The following OR4N2 variants were observed in gnomAD, a reference collection of about 807,000 sequenced individuals.
OR4N2 encodes olfactory receptor 4N2.
For missense variants in OR4N2, 307 were observed against 377.6 expected (o/e 0.81, Z 1.55); for synonymous variants, 141 against 140.4 (o/e 1.00, Z -0.03).
chr14:19,821,714 A>AT (rs1879571199), intron 1 of OR4N2, among the ~76,000 whole-genome samples: 1 of 152,250 alleles, frequency 6.6e-6, no homozygotes, highest in Non-Finnish European at 1.5e-5. Flanking sequence ...ATTTAAAAAA[A>AT]TTTAGTTCTT....
intron 1 of OR4N2, among the ~76,000 whole-genome samples, chr14:19,807,055 CAG>C (rs1299710792): frequency 6.6e-6 from 1 of 151,554 alleles, no homozygotes; most frequent in Non-Finnish European, 1.5e-5. Flanking sequence ...GAAGCTAAAG[CAG>C]GAAATAAATA....
At chr14:19,813,566 C>T (rs1240663728) in intron 1 of OR4N2, among the ~76,000 whole-genome samples, 1 of 152,204 alleles carries the variant, frequency 6.6e-6, no homozygotes, top group Non-Finnish European at 1.5e-5. Context: ...GTAATTTTTA[C>T]CATATTAGCC....
At chr14:19,812,496 A>AT (rs1310480870) in intron 1 of OR4N2, among the ~76,000 whole-genome samples, 54 of 151,080 alleles carry the variant, frequency 3.6e-4, no homozygotes, top group African/African-American at 1.3e-3. Context: ...AGCCGAGATA[A>AT]TTTTTTTGTT....
intron 1 of OR4N2, among the ~76,000 whole-genome samples, chr14:19,823,197 C>T (rs1424601665): frequency 6.6e-6 from 1 of 152,194 alleles, no homozygotes; most frequent in African/African-American, 2.4e-5. Context: ...AATTTACTAA[C>T]CTTGCATCAT....
intron 1 of OR4N2, among the ~76,000 whole-genome samples, chr14:19,818,701 T>C (rs1233020294): frequency 1.3e-5 from 2 of 152,244 alleles, no homozygotes; most frequent in East Asian, 3.9e-4. Context: ...AACATTGTTA[T>C]GTGTGAATTT....
intron 1 of OR4N2, among the ~76,000 whole-genome samples, chr14:19,816,902 G>C (rs1188158981): frequency 6.6e-6 from 1 of 152,248 alleles, no homozygotes; most frequent in Non-Finnish European, 1.5e-5. Flanking sequence ...TTTTTAGCTT[G>C]AAGGGGTGAA....
chr14:19,828,129 GT>G lies in OR4N2; in HGVS notation c.682del (p.Ser228LeufsTer50), dbSNP rs758091803. The G allele has an allele frequency of 1.3e-5, 21 of 1,614,108 alleles. No individual in the cohort carries two copies. The highest frequency in any genetic ancestry group is 1.4e-5 in the Non-Finnish European group (16 of 1,180,042). Reference sequence around the variant, plus strand: ...CAGTCATTCTTTGTCGCATACGAGGGTCTTCTTCTGAGGCAAAAAACAAGGC... The same window carrying G: ...CAGTCATTCTTTGTCGCATACGAGGGCTTCTTCTGAGGCAAAAAACAAGGC... ...YAVILCRIRG[S>X]SSEAKNKAMS... On this transcript the variant is annotated frameshift_variant, in exon 2 of 2. Coordinates refer to ENST00000557677, the MANE Select transcript of OR4N2 (RefSeq NM_001004723.3). LOFTEE classifies it low-confidence loss of function (END_TRUNC).
At chr14:19,819,012 C>T (rs1428514013) in intron 1 of OR4N2, among the ~76,000 whole-genome samples, 2 of 152,218 alleles carry the variant, frequency 1.3e-5, no homozygotes, top group Non-Finnish European at 2.9e-5. Flanking sequence ...TATTGGCCCC[C>T]ACTTCTTTCT....
chr14:19,825,337 A>G (rs1879666707), intron 1 of OR4N2, among the ~76,000 whole-genome samples: 2 of 152,246 alleles, frequency 1.3e-5, no homozygotes, highest in Admixed American at 1.3e-4. Context: ...ACGTACCCTA[A>G]GATGACACTA....
At chr14:19,808,981 C>A (rs947759258) in intron 1 of OR4N2, among the ~76,000 whole-genome samples, 2 of 152,194 alleles carry the variant, frequency 1.3e-5, no homozygotes, top group African/African-American at 2.4e-5. Flanking sequence ...TTACAACCAT[C>A]TGCTCTTCAA....
intron 1 of OR4N2, among the ~76,000 whole-genome samples, chr14:19,805,710 A>T (rs1335553680): frequency 6.6e-6 from 1 of 152,184 alleles, no homozygotes; most frequent in Non-Finnish European, 1.5e-5. Flanking sequence ...GCTAGAGAGG[A>T]TGATATGCAA....
At chr14:19,815,248 C>T (rs1164771947) in intron 1 of OR4N2, among the ~76,000 whole-genome samples, 1 of 152,280 alleles carries the variant, frequency 6.6e-6, no homozygotes, top group Non-Finnish European at 1.5e-5. Flanking sequence ...AATCGCTACA[C>T]TGTCTTCCAC....
In OR4N2 at chr14:19,827,970, G is replaced by A. The variant is rs79285142; in HGVS notation, c.522G>A (p.Leu174=). The change falls in exon 2 of 2, where the codon CTG becomes CTA. Residue 174 remains leucine, a synonymous_variant. Transcript: ENST00000557677. ...TGCCTTTTTGTGGCCCAAACCAGCT[G>A]GACAACTTCTTCTGTGATGTCCCAC... The part of the protein sequence containing the change: ...LRLPFCGPNQ[L]DNFFCDVPQV... 1,048 of 1,614,048 alleles carry A rather than the reference G, an allele frequency of 6.5e-4. No homozygotes were observed. In the African/African-American group the frequency reaches 0.013, roughly 19 times the overall value.
At chr14:19,810,076 G>T (rs1161863388) in intron 1 of OR4N2, among the ~76,000 whole-genome samples, 1 of 152,208 alleles carries the variant, frequency 6.6e-6, no homozygotes, top group Non-Finnish European at 1.5e-5. Context: ...GCTACAAAAT[G>T]GGATAAAATA....
intron 1 of OR4N2, among the ~76,000 whole-genome samples, chr14:19,812,300 T>C (rs1234895833): frequency 7.1e-6 from 1 of 141,300 alleles, no homozygotes; most frequent in African/African-American, 2.5e-5. Flanking sequence ...TTTTTGACTT[T>C]TCTTTTTTTT....
intron 1 of OR4N2, among the ~76,000 whole-genome samples, chr14:19,823,013 T>C: frequency 6.6e-6 from 1 of 152,260 alleles, no homozygotes; most frequent in East Asian, 1.9e-4. Context: ...AGAGGCCATT[T>C]AATCTGGCCA....
intron 1 of OR4N2, among the ~76,000 whole-genome samples, chr14:19,820,814 G>A (rs1210534304): frequency 1.3e-5 from 2 of 152,008 alleles, no homozygotes; most frequent in African/African-American, 2.4e-5. Flanking sequence ...GAACTTCAGA[G>A]TGCTGTGCTG....
At chr14:19,814,305 T>G (rs1401774514) in intron 1 of OR4N2, among the ~76,000 whole-genome samples, 1 of 152,256 alleles carries the variant, frequency 6.6e-6, no homozygotes, top group Admixed American at 6.5e-5. Context: ...ATGCATCTTT[T>G]CATGCTATGT....
chr14:19,812,329 CT>C (rs3078143), intron 1 of OR4N2, among the ~76,000 whole-genome samples: 1,425 of 117,198 alleles, frequency 0.012, 15 homozygotes, highest in African/African-American at 0.043. Context: ...CTTTTCTTTT[CT>C]TTTTTTTTTT....
Sources: allele counts gnomAD v4.1 joint callset (sites outside exome capture counted in the v4.1 genomes callset), GRCh38; gene constraint gnomAD v4.1.1; transcripts MANE v1.5; gene names NCBI Gene and HGNC (gene_info 2026-07-23, HGNC 2026-07-21).